The following CASR variants were observed in gnomAD, a reference collection of about 807,000 sequenced individuals.
CASR encodes calcium sensing receptor, also known as extracellular calcium-sensing receptor.
In CASR, 23 loss-of-function variants were observed where a neutral mutation model predicts 69.1. That is an observed-to-expected ratio of 0.33 (90% CI 0.24 to 0.47). The LOEUF (loss-of-function observed/expected upper bound fraction) is 0.47, where lower values mean the gene tolerates loss of function less well. Among genes scored for constraint, CASR ranks in the 20% least tolerant of loss-of-function variants. The pLI is 1.00. For missense variants in CASR, 924 were observed against 1,356.1 expected (o/e 0.68, Z 5.00); for synonymous variants, 541 against 544.7 (o/e 0.99, Z 0.10).
chr3:122,248,915 C>A (rs769517737), intron 1 of CASR, among the ~76,000 whole-genome samples: 15 of 152,178 alleles, frequency 9.9e-5, no homozygotes, highest in Non-Finnish European at 1.8e-4. Flanking sequence ...CACGTAGCTA[C>A]TCTTTGGACA....
chr3:122,257,113 C>A lies in CASR; in HGVS notation c.218C>A (p.Ala73Asp). 1.2e-6 allele frequency: 2 copies of A among 1,614,130 alleles called. No individual in the cohort carries two copies. Among genetic ancestry groups the A allele is most frequent in the Non-Finnish European group, 1.7e-6 (2 of 1,180,004 alleles). Residue 73 changes from alanine to aspartate, a missense_variant, in exon 3 of 7, where the codon GCT becomes GAT. Physicochemically the swap from Ala to Asp is moderately radical, Grantham distance 126 (BLOSUM62 -2). Coordinates refer to ENST00000639785, the MANE Select transcript of CASR (RefSeq NM_000388.4). ...TTCCGTGGGTTTCGCTGGTTACAGG[C>A]TATGATATTTGCCATAGAGGAGATA... is the stretch of plus-strand genomic sequence containing the variant. The part of the protein sequence containing the change: ...YNFRGFRWLQ[A>D]MIFAIEEINS...
intron 1 of CASR, among the ~76,000 whole-genome samples, chr3:122,245,078 C>T (rs1437713883): frequency 1.3e-5 from 2 of 152,176 alleles, no homozygotes; most frequent in East Asian, 1.9e-4. Context: ...TCTGCAGATG[C>T]TCAAGTCTCT....
At chr3:122,219,453 G>T (rs1265145902) in intron 1 of CASR, among the ~76,000 whole-genome samples, 1 of 152,182 alleles carries the variant, frequency 6.6e-6, no homozygotes, top group Admixed American at 6.5e-5. Flanking sequence ...CCAGATCAGG[G>T]TTCAGGGACC....
intron 3 of CASR, among the ~76,000 whole-genome samples, chr3:122,259,723 G>A (rs1040102669): frequency 1.9e-4 from 28 of 146,152 alleles, no homozygotes; most frequent in Admixed American, 1.4e-3. Context: ...TCTGCCTCCC[G>A]GGTTCACGCC....
intron 1 of CASR, among the ~76,000 whole-genome samples, chr3:122,228,205 C>T (rs1258849087): frequency 2.6e-5 from 4 of 152,216 alleles, no homozygotes; most frequent in African/African-American, 9.6e-5. Context: ...ATGGGGCTAA[C>T]ACTAGTAATC....
intron 1 of CASR, among the ~76,000 whole-genome samples, chr3:122,208,480 G>C (rs554520153): frequency 5.3e-4 from 80 of 152,258 alleles, no homozygotes; most frequent in African/African-American, 1.9e-3. Context: ...CTGGGAAAAT[G>C]ATAAAGAGAA....
In CASR at chr3:122,281,381, T is replaced by C. The variant is rs539057138; in HGVS notation, c.1609-732T>C. On this transcript the variant is annotated intron_variant, in intron 5 of 6. Coordinates refer to ENST00000639785, the MANE Select transcript of CASR (RefSeq NM_000388.4). ...TTTTCAAAATGTATGCACTTATTTT[T>C]CTTGTCTGATTCCACTAGCTAAGAC... Among the ~76,000 whole-genome samples the C allele has an allele frequency of 1.4e-4, 22 of 152,366 alleles. No individual in the cohort carries two copies. In the South Asian group the frequency reaches 4.6e-3, roughly 32 times the overall value.
chr3:122,257,889 C>T (rs763919660), intron 3 of CASR, among the ~76,000 whole-genome samples: 12 of 152,272 alleles, frequency 7.9e-5, no homozygotes, highest in African/African-American at 1.9e-4. Flanking sequence ...ATTCCAGAAA[C>T]GGAGAAAATT....
chr3:122,222,192 A>C (rs2107602616), intron 1 of CASR, among the ~76,000 whole-genome samples: 1 of 152,336 alleles, frequency 6.6e-6, no homozygotes, highest in South Asian at 2.1e-4. Flanking sequence ...GGGAGGGTCC[A>C]TTCCTAGCTG....
intron 1 of CASR, 112 bp downstream of exon 1, chr3:122,183,924 A>T (rs1046551966): frequency 2.0e-5 from 3 of 152,274 alleles, no homozygotes; most frequent in African/African-American, 7.2e-5. Flanking sequence ...TGGCGTCGTA[A>T]GCGCCCTAAG....
chr3:122,255,013 T>C lies in CASR; in HGVS notation c.185+639T>C, dbSNP rs973409287. On this transcript the variant is annotated intron_variant, in intron 2 of 6. Coordinates refer to ENST00000639785, the MANE Select transcript of CASR (RefSeq NM_000388.4). ...CATCTCACTCTCTCAATAGATTCTC[T>C]CTGTGGCCACTTGAAGAGAGCTAAT... Among the ~76,000 whole-genome samples the C allele has an allele frequency of 5.4e-5, 8 of 147,132 alleles. No homozygotes were observed. In the South Asian group the frequency reaches 9.2e-4, roughly 17 times the overall value.
At chr3:122,226,332 G>T (rs909616336) in intron 1 of CASR, among the ~76,000 whole-genome samples, 2 of 151,866 alleles carry the variant, frequency 1.3e-5, no homozygotes, top group African/African-American at 4.8e-5. Flanking sequence ...GGAGTTGTTT[G>T]TTCCTCCCGG....
chr3:122,245,051 C>T (rs1158778663), intron 1 of CASR, among the ~76,000 whole-genome samples: 1 of 151,982 alleles, frequency 6.6e-6, no homozygotes, highest in African/African-American at 2.4e-5. Flanking sequence ...GGTTCAGGAC[C>T]CCCTCAGATA....
chr3:122,263,864 G>T (rs1044170368), intron 4 of CASR, among the ~76,000 whole-genome samples: 2 of 152,124 alleles, frequency 1.3e-5, no homozygotes, highest in East Asian at 3.8e-4. Flanking sequence ...GCTAAGGTAT[G>T]GGGTTTTAAG....
chr3:122,277,867 T>C (rs756714852), intron 5 of CASR, among the ~76,000 whole-genome samples: 5 of 152,206 alleles, frequency 3.3e-5, no homozygotes, highest in Non-Finnish European at 7.3e-5. Context: ...GGCTTAAACA[T>C]TGATAGATGA....
chr3:122,265,682 A>G (rs892345595), intron 4 of CASR, among the ~76,000 whole-genome samples: 1 of 152,122 alleles, frequency 6.6e-6, no homozygotes, highest in Non-Finnish European at 1.5e-5. Flanking sequence ...CTCTGTTTGG[A>G]CAAGCTTTGG....
Position 122,243,925 on chromosome 3 carries a change from G to A in CASR, c.-242-10023G>A, listed in dbSNP as rs370137704. On this transcript the variant is annotated intron_variant, in intron 1 of 6. Coordinates refer to ENST00000639785, the MANE Select transcript of CASR (RefSeq NM_000388.4). ...CATTATGTTAAGTGAAGTAAGCCACGAAGATGGACTTTGCATGTTCTAACT... is the reference window on the plus strand; with the variant it reads ...CATTATGTTAAGTGAAGTAAGCCACAAAGATGGACTTTGCATGTTCTAACT... Among the ~76,000 whole-genome samples the A allele has an allele frequency of 5.3e-5, 8 of 152,108 alleles. No homozygotes were observed. The East Asian group carries it at 1.3e-3, about 26-fold the overall frequency.
intron 1 of CASR, among the ~76,000 whole-genome samples, chr3:122,229,433 G>A (rs184486799): frequency 1.3e-4 from 20 of 152,392 alleles, no homozygotes; most frequent in African/African-American, 4.8e-4. Context: ...AATGAAGTGA[G>A]TTAGATGACT....
rs1462841990 is a variant in CASR at position 122,203,581 on chromosome 3, C to A, written c.-243+19769C>A. Among the ~76,000 whole-genome samples, 5 of 152,118 alleles carry A rather than the reference C, an allele frequency of 3.3e-5. No individual in the cohort carries two copies. In the East Asian group the frequency reaches 9.6e-4, roughly 29 times the overall value. ...GGTATAAAAGGCCAAAAAAAGGGTA[C>A]ATGTGTATAATAAGGTACTTACCAT... On this transcript the variant is annotated intron_variant, in intron 1 of 6. Transcript: ENST00000639785.
Sources: allele counts gnomAD v4.1 joint callset (sites outside exome capture counted in the v4.1 genomes callset), GRCh38; gene constraint gnomAD v4.1.1; transcripts MANE v1.5; gene names NCBI Gene and HGNC (gene_info 2026-07-23, HGNC 2026-07-21).